The following INPP4B variants were observed in gnomAD, a reference collection of about 807,000 sequenced individuals.
INPP4B encodes inositol polyphosphate 4-phosphatase type II.
Under a neutral mutation model 122.5 loss-of-function variants are expected in INPP4B, and 55 were observed. That is an observed-to-expected ratio of 0.45 (90% CI 0.36 to 0.56). The LOEUF (loss-of-function observed/expected upper bound fraction) is 0.56, where lower values mean the gene tolerates loss of function less well. Among genes scored for constraint, INPP4B ranks in the 20% least tolerant of loss-of-function variants. INPP4B has a pLI of 0.00. For synonymous variants in INPP4B, 403 were observed against 388.7 expected, an observed-to-expected ratio of 1.04 and a Z score of -0.43; for missense variants, 1,000 against 1,097.7, an observed-to-expected ratio of 0.91 and a Z score of 1.26.
At chr4:142,188,048 G>A (rs1160319698) in intron 15 of INPP4B, among the ~76,000 whole-genome samples, 4 of 151,934 alleles carry the variant, frequency 2.6e-5, no homozygotes, top group Non-Finnish European at 1.5e-5. Context: ...CTGTTAAGGA[G>A]GAATATTACA....
At position 142,237,882 on chromosome 4, in the gene INPP4B, A is replaced by G; in HGVS notation, c.818T>C (p.Ile273Thr). 1 of 1,567,084 alleles carries G rather than the reference A, an allele frequency of 6.4e-7. No homozygotes were observed. The highest frequency in any genetic ancestry group is 8.7e-7 in the Non-Finnish European group (1 of 1,144,270). Residue 273 changes from isoleucine (I) to threonine (T), a missense_variant, in exon 12 of 26, where the codon ATT becomes ACT. Transcript: ENST00000262992. ...HIPKELISLH[I>T]KEDLCRNQEI... ...CTCTTACCTGCACAAATCTTCTTTA[A>G]TGTGAAGGGAAATCAATTCCTTAGG...
At chr4:142,496,040 T>G (rs1822517747) in intron 2 of INPP4B, among the ~76,000 whole-genome samples, 1 of 152,156 alleles carries the variant, frequency 6.6e-6, no homozygotes, top group African/African-American at 2.4e-5. Flanking sequence ...TTCTGTTATC[T>G]TTAACAATAT....
chr4:142,171,013 G>T (rs1825367299), intron 16 of INPP4B, among the ~76,000 whole-genome samples: 1 of 151,654 alleles, frequency 6.6e-6, no homozygotes, highest in African/African-American at 2.4e-5. Context: ...AAGACTCCTG[G>T]AATATGCCCT....
intron 9 of INPP4B, chr4:142,286,923 A>T (rs1753984680): frequency 6.6e-6 from 1 of 152,198 alleles, no homozygotes; most frequent in Non-Finnish European, 1.5e-5. Flanking sequence ...TTTGTGTCTC[A>T]ACAGCCCACT....
At chr4:142,099,636 A>G (rs1441541420) in intron 23 of INPP4B, among the ~76,000 whole-genome samples, 2 of 152,154 alleles carry the variant, frequency 1.3e-5, no homozygotes. Context: ...AATACCATAT[A>G]AAGCCCTGTA....
chr4:142,366,773 G>T (rs1565307), intron 7 of INPP4B, among the ~76,000 whole-genome samples: 60,243 of 151,890 alleles, frequency 0.4, 12,297 homozygotes, highest in East Asian at 0.64. Context: ...GTGAAAGTTT[G>T]TCAGTATCTC....
At chr4:142,597,101 G>A (rs542367948) in intron 2 of INPP4B, among the ~76,000 whole-genome samples, 2 of 152,280 alleles carry the variant, frequency 1.3e-5, no homozygotes, top group Non-Finnish European at 2.9e-5. Context: ...AAGTGACATT[G>A]GAGAAAATAA....
At chr4:142,164,698 T>A (rs1314297752) in intron 16 of INPP4B, among the ~76,000 whole-genome samples, 1 of 151,712 alleles carries the variant, frequency 6.6e-6, no homozygotes, top group Non-Finnish European at 1.5e-5. Flanking sequence ...TTGTAAACCC[T>A]CAAGTGCACT....
intron 23 of INPP4B, among the ~76,000 whole-genome samples, chr4:142,103,047 T>C (rs1785239395): frequency 6.6e-6 from 1 of 152,142 alleles, no homozygotes; most frequent in Non-Finnish European, 1.5e-5. Flanking sequence ...TTATACAACA[T>C]GCATTCTCTC....
intron 2 of INPP4B, among the ~76,000 whole-genome samples, chr4:142,510,129 T>C (rs977537605): frequency 2.0e-5 from 3 of 152,230 alleles, no homozygotes; most frequent in African/African-American, 7.2e-5. Context: ...AGGTATTTCC[T>C]AGTAAGAATC....
intron 3 of INPP4B, among the ~76,000 whole-genome samples, chr4:142,461,750 TA>T (rs1227238530): frequency 1.3e-5 from 2 of 152,254 alleles, no homozygotes; most frequent in Non-Finnish European, 2.9e-5. Flanking sequence ...TTTCCCAATA[TA>T]ATCCTTATAA....
chr4:142,129,788 T>C (rs1021647251), intron 18 of INPP4B, among the ~76,000 whole-genome samples: 1 of 152,210 alleles, frequency 6.6e-6, no homozygotes, highest in Non-Finnish European at 1.5e-5. Flanking sequence ...AATCTATTTT[T>C]ATTTTTCTTC....
chr4:142,429,194 G>T lies in INPP4B; in HGVS notation c.115C>A (p.Pro39Thr). ...FTSIQKTPNEPQLEFILACKD... is the reference protein window; with the variant it reads ...FTSIQKTPNETQLEFILACKD... ...TTACCAAGGATGAATTCCAACTGCG[G>T]TTCATTTGGAGTCTTCTGGATACCT... Residue 39 changes from proline to threonine, a missense_variant, in exon 5 of 26, where the codon CCG becomes ACG. Physicochemically the swap from Pro to Thr is conservative, Grantham distance 38. Coordinates refer to ENST00000262992, the MANE Select transcript of INPP4B (RefSeq NM_001101669.3). 1 of 1,566,528 alleles carries T rather than the reference G, an allele frequency of 6.4e-7. No individual in the cohort carries two copies. Among genetic ancestry groups the T allele is most frequent in the Non-Finnish European group, 8.8e-7 (1 of 1,142,240 alleles).
intron 2 of INPP4B, among the ~76,000 whole-genome samples, chr4:142,633,708 G>A (rs1748485697): frequency 6.6e-6 from 1 of 151,882 alleles, no homozygotes; most frequent in African/African-American, 2.4e-5. Flanking sequence ...TCAAAAAGAG[G>A]TAAAATTATA....
intron 2 of INPP4B, among the ~76,000 whole-genome samples, chr4:142,491,107 T>G (rs918132923): frequency 1.3e-5 from 2 of 152,020 alleles, no homozygotes; most frequent in Non-Finnish European, 2.9e-5. Context: ...GATCATAAGG[T>G]AGTTCTATTT....
intron 8 of INPP4B, among the ~76,000 whole-genome samples, chr4:142,309,540 C>T (rs1764661401): frequency 6.6e-6 from 1 of 152,176 alleles, no homozygotes; most frequent in Non-Finnish European, 1.5e-5. Flanking sequence ...TAAGAGTAAA[C>T]TGGCTTACAC....
chr4:142,323,431 C>T (rs980610259), intron 7 of INPP4B, among the ~76,000 whole-genome samples: 3 of 147,878 alleles, frequency 2.0e-5, no homozygotes, highest in African/African-American at 5.0e-5. Context: ...TTCATTATTA[C>T]GGTTATGATG....
chr4:142,706,714 C>T (rs145704635), intron 2 of INPP4B, among the ~76,000 whole-genome samples: 53 of 152,378 alleles, frequency 3.5e-4, no homozygotes, highest in African/African-American at 1.2e-3. Flanking sequence ...TACACCTACA[C>T]AGGCCAGACA....
intron 2 of INPP4B, among the ~76,000 whole-genome samples, chr4:142,698,437 T>C (rs1323008808): frequency 2.0e-5 from 3 of 152,142 alleles, no homozygotes; most frequent in Non-Finnish European, 4.4e-5. Context: ...CTTAAATGAT[T>C]GTCTCCACTT....
Sources: gnomAD v4.1 joint callset for allele counts (sites outside exome capture counted in the v4.1 genomes callset) on GRCh38, gnomAD v4.1.1 for gene constraint, MANE v1.5 for transcripts, NCBI Gene and HGNC (gene_info 2026-07-23, HGNC 2026-07-21) for gene names.